NKAIN2: variants seen among roughly 807,000 people sequenced by gnomAD.
NKAIN2 encodes the protein sodium/potassium-transporting ATPase subunit beta-1-interacting protein 2.
In NKAIN2, 14 loss-of-function variants were observed where a neutral mutation model predicts 32.6. That is an observed-to-expected ratio of 0.43 (90% CI 0.28 to 0.67). The LOEUF (loss-of-function observed/expected upper bound fraction) is 0.67. Among genes scored for constraint, NKAIN2 ranks in the 30% least tolerant of loss-of-function variants. The pLI is 0.17. For synonymous variants in NKAIN2, 80 were observed against 87.2 expected (o/e 0.92, Z 0.46); for missense variants, 198 against 258.3 (o/e 0.77, Z 1.60).
intron 1 of NKAIN2, among the ~76,000 whole-genome samples, chr6:123,844,539 A>T (rs944339575): frequency 6.6e-6 from 1 of 152,134 alleles, no homozygotes; most frequent in Admixed American, 6.5e-5. Context: ...ACCTATACAC[A>T]TGTTTTCTGA....
At chr6:124,487,968 A>G (rs1479472594) in intron 3 of NKAIN2, among the ~76,000 whole-genome samples, 1 of 152,114 alleles carries the variant, frequency 6.6e-6, no homozygotes, top group Non-Finnish European at 1.5e-5. Context: ...AGAGTTATTC[A>G]GAGTGATGTT....
chr6:123,951,699 G>A (rs1168572621), intron 1 of NKAIN2, among the ~76,000 whole-genome samples: 15 of 151,464 alleles, frequency 9.9e-5, no homozygotes, highest in Non-Finnish European at 1.5e-5. Context: ...TACTACAGTT[G>A]GGTCACTTTT....
At chr6:124,197,195 T>A (rs921103423) in intron 1 of NKAIN2, among the ~76,000 whole-genome samples, 19 of 152,064 alleles carry the variant, frequency 1.2e-4, no homozygotes, top group Admixed American at 7.2e-4. Flanking sequence ...ACTGCATTTA[T>A]TTTTCTCTAT....
At chr6:124,656,501 A>C (rs1464124517) in intron 3 of NKAIN2, among the ~76,000 whole-genome samples, 1 of 152,068 alleles carries the variant, frequency 6.6e-6, no homozygotes, top group Non-Finnish European at 1.5e-5. Context: ...AGCAGGAGAG[A>C]TATCTAGGCT....
At chr6:124,773,119 T>C (rs1778834609) in intron 4 of NKAIN2, among the ~76,000 whole-genome samples, 1 of 152,152 alleles carries the variant, frequency 6.6e-6, no homozygotes. Context: ...CCAAATAAAG[T>C]CAAGTCTGAA....
chr6:124,177,446 C>T (rs1016304050), intron 1 of NKAIN2, among the ~76,000 whole-genome samples: 1 of 151,992 alleles, frequency 6.6e-6, no homozygotes, highest in Admixed American at 6.6e-5. Context: ...TTTTTGTGGC[C>T]CAGGTATTGA....
chr6:124,403,417 C>G (rs1773712101), intron 3 of NKAIN2, among the ~76,000 whole-genome samples: 1 of 151,950 alleles, frequency 6.6e-6, no homozygotes, highest in South Asian at 2.1e-4. Flanking sequence ...TCTCTCTTTC[C>G]CTCCCCAGTT....
chr6:124,593,231 G>T (rs914314226), intron 3 of NKAIN2, among the ~76,000 whole-genome samples: 4 of 151,892 alleles, frequency 2.6e-5, no homozygotes, highest in African/African-American at 9.7e-5. Context: ...GTGTGTTTGT[G>T]TGCGTGTGCA....
At chr6:124,150,017 A>G (rs1157377437) in intron 1 of NKAIN2, among the ~76,000 whole-genome samples, 2 of 152,144 alleles carry the variant, frequency 1.3e-5, no homozygotes, top group Non-Finnish European at 2.9e-5. Flanking sequence ...CAATATAAGT[A>G]AACAAGCCTG....
chr6:124,611,429 T>A (rs1315507049), intron 3 of NKAIN2, among the ~76,000 whole-genome samples: 1 of 152,186 alleles, frequency 6.6e-6, no homozygotes, highest in Non-Finnish European at 1.5e-5. Flanking sequence ...GTTACATAGG[T>A]ATACATGTGC....
chr6:124,159,476 C>T (rs1476517515), intron 1 of NKAIN2, among the ~76,000 whole-genome samples: 1 of 152,070 alleles, frequency 6.6e-6, no homozygotes, highest in African/African-American at 2.4e-5. Context: ...AATTAAAAAC[C>T]TCACCCTCTG....
chr6:124,719,798 A>G (rs928331691), intron 4 of NKAIN2, among the ~76,000 whole-genome samples: 1 of 151,950 alleles, frequency 6.6e-6, no homozygotes, highest in Non-Finnish European at 1.5e-5. Context: ...CTGCTTGTTC[A>G]TATTGTAATG....
chr6:124,078,856 TTTTG>T (rs1389161997), intron 1 of NKAIN2, among the ~76,000 whole-genome samples: 7 of 151,130 alleles, frequency 4.6e-5, no homozygotes, highest in Admixed American at 2.0e-4. Flanking sequence ...AAAATGGAGA[TTTTG>T]TTTATTTTTA....
At chr6:124,770,538 A>G (rs2114758019) in intron 4 of NKAIN2, among the ~76,000 whole-genome samples, 1 of 152,314 alleles carries the variant, frequency 6.6e-6, no homozygotes, top group African/African-American at 2.4e-5. Flanking sequence ...TAGGTTGACA[A>G]TATCTTTTAT....
intron 1 of NKAIN2, among the ~76,000 whole-genome samples, chr6:124,035,395 CT>C (rs1290787871): frequency 6.6e-6 from 1 of 152,098 alleles, no homozygotes; most frequent in Non-Finnish European, 1.5e-5. Flanking sequence ...TTCAATGTCT[CT>C]TTAATTAAAC....
chr6:124,437,947 T>C (rs1214543440), intron 3 of NKAIN2: 1 of 430,534 alleles, frequency 2.3e-6, no homozygotes, highest in Non-Finnish European at 4.6e-6. Context: ...TAGTTATTAT[T>C]TGTACAATTT....
chr6:123,929,902 A>C (rs959248018), intron 1 of NKAIN2, among the ~76,000 whole-genome samples: 2 of 152,122 alleles, frequency 1.3e-5, no homozygotes, highest in Admixed American at 1.3e-4. Flanking sequence ...TGGGCACTCA[A>C]AAAATTCAGA....
chr6:124,619,122 A>G (rs573220807), intron 3 of NKAIN2, among the ~76,000 whole-genome samples: 3 of 152,236 alleles, frequency 2.0e-5, no homozygotes, highest in Non-Finnish European at 4.4e-5. Flanking sequence ...TTACATAATT[A>G]GAACATGAAG....
chr6:124,794,403 A>G (rs937502921), intron 5 of NKAIN2, among the ~76,000 whole-genome samples: 2 of 152,166 alleles, frequency 1.3e-5, no homozygotes, highest in Middle Eastern at 3.2e-3. Context: ...AAAGTCACCA[A>G]TATCTGTTGA....
Sources: allele counts gnomAD v4.1 joint callset (sites outside exome capture counted in the v4.1 genomes callset), GRCh38; gene constraint gnomAD v4.1.1; transcripts MANE v1.5; gene names NCBI Gene and HGNC (gene_info 2026-07-23, HGNC 2026-07-21).